LONRF2: variants seen among roughly 807,000 people sequenced by gnomAD.
LONRF2 encodes LON peptidase N-terminal domain and RING finger protein 2.
Under a neutral mutation model 66.6 loss-of-function variants are expected in LONRF2, and 35 were observed. That is an observed-to-expected ratio of 0.53 (90% CI 0.40 to 0.70). The LOEUF (loss-of-function observed/expected upper bound fraction) is 0.70. Ranked by LOEUF, LONRF2 falls within the 30% of genes least tolerant of loss-of-function variation. The pLI is 0.00. For synonymous variants in LONRF2, 417 were observed against 418.1 expected (o/e 1.00, Z 0.03); for missense variants, 902 against 1,002.1 (o/e 0.90, Z 1.35).
chr2:100,307,391 C>G (rs1050224115), intron 2 of LONRF2, among the ~76,000 whole-genome samples: 2 of 152,190 alleles, frequency 1.3e-5, no homozygotes, highest in Non-Finnish European at 2.9e-5. Flanking sequence ...TAATTAGCCA[C>G]GTACCTCTGT....
intron 3 of LONRF2, 48 bp from the exon 4 acceptor site, chr2:100,300,835 T>G: frequency 7.0e-7 from 1 of 1,424,728 alleles, no homozygotes; most frequent in Non-Finnish European, 9.3e-7. Context: ...AAAACACTTT[T>G]GTAAAAATAT....
intron 4 of LONRF2, 109 bp from the exon 5 acceptor site, chr2:100,300,027 G>GGA: frequency 4.2e-6 from 2 of 473,238 alleles, no homozygotes; most frequent in Non-Finnish European, 7.5e-6. Flanking sequence ...AAAGGGGGGG[G>GGA]CATACACTCT....
Position 100,321,983 on chromosome 2 carries a change from G to T in LONRF2, c.111C>A (p.Gly37=). 6.8e-7 allele frequency: 1 copy of T among 1,464,450 alleles called. No homozygotes were observed. The highest frequency in any genetic ancestry group is 1.3e-5 in the South Asian group (1 of 76,430). 90.7% of individuals were successfully genotyped at this position (1,464,450 alleles called of 1,614,324 possible). A position where few individuals can be genotyped will look rare whatever the true frequency, so the allele number is the denominator to read the frequency against. Residue 37 remains glycine (G), a synonymous_variant, in exon 1 of 12, where the codon GGC becomes GGA. Coordinates refer to ENST00000393437, the MANE Select transcript of LONRF2 (RefSeq NM_198461.4). The part of the protein sequence containing the change: ...LEEGDEAFRA[G]DYEMAAELFR... ...AGAGCTCGGCTGCCATCTCGTAGTC[G>T]CCCGCGCGGAAGGCCTCGTCGCCCT... is the stretch of plus-strand genomic sequence containing the variant.
intron 1 of LONRF2, 147 bp downstream of exon 1, chr2:100,321,268 C>G (rs1343562939): frequency 2.8e-6 from 2 of 707,676 alleles, no homozygotes; most frequent in Non-Finnish European, 4.2e-6. Flanking sequence ...CCACCTTTCA[C>G]CTTCCCATCC....
chr2:100,284,512 A>G lies in LONRF2; in HGVS notation c.2071-20T>C. ...ATTACTCTGCAAAAGAGATGAGGGG[A>G]AAGCAAGGTTAACACTGGAAATGCA... On this transcript the variant is annotated intron_variant, in intron 11 of 11. Transcript: ENST00000393437. The G allele has an allele frequency of 6.6e-7, 1 of 1,524,996 alleles. No individual in the cohort carries two copies. Among genetic ancestry groups the G allele is most frequent in the Non-Finnish European group, 8.8e-7 (1 of 1,134,774 alleles). The allele number at this position is 1,524,996 out of a possible 1,614,324, so 94.5% of individuals were successfully genotyped here.
chr2:100,309,004 T>A, intron 2 of LONRF2, 103 bp downstream of exon 2: 1 of 720,954 alleles, frequency 1.4e-6, no homozygotes. Context: ...GAGGGAAACA[T>A]ACTTTGTCTA....
intron 2 of LONRF2, among the ~76,000 whole-genome samples, chr2:100,307,852 T>C (rs1204794396): frequency 6.6e-6 from 1 of 152,240 alleles, no homozygotes; most frequent in African/African-American, 2.4e-5. Flanking sequence ...TGATAAATTA[T>C]ATAAATTTTT....
intron 10 of LONRF2, 84 bp from the exon 11 acceptor site, chr2:100,287,147 G>A: frequency 7.9e-7 from 1 of 1,261,524 alleles, no homozygotes; most frequent in Non-Finnish European, 1.1e-6. Context: ...CCTCCACTAA[G>A]TGGATTTGTG....
chr2:100,322,002 T>C lies in LONRF2; in HGVS notation c.92A>G (p.Asp31Gly). ...GTAGTCGCCCGCGCGGAAGGCCTCG[T>C]CGCCCTCCTCTAAGCGCTGGGCGAT... ...EPIAQRLEEG[D>G]EAFRAGDYEM... The change falls in exon 1 of 12, where the codon GAC becomes GGC. Residue 31 changes from aspartate (D) to glycine (G), a missense_variant. By Grantham distance (94) the Asp-to-Gly change is moderately conservative. Coordinates refer to ENST00000393437, the MANE Select transcript of LONRF2 (RefSeq NM_198461.4). The C allele has an allele frequency of 2.8e-6, 4 of 1,454,304 alleles. No homozygotes were observed. Among genetic ancestry groups the C allele is most frequent in the Admixed American group, 2.3e-5 (1 of 43,298 alleles). The allele number at this position is 1,454,304 out of a possible 1,614,324, so 90.1% of individuals were successfully genotyped here. A position where few individuals can be genotyped will look rare whatever the true frequency, so the allele number is the denominator to read the frequency against.
At chr2:100,312,362 T>G (rs1374170768) in intron 1 of LONRF2, among the ~76,000 whole-genome samples, 1 of 152,174 alleles carries the variant, frequency 6.6e-6, no homozygotes, top group Non-Finnish European at 1.5e-5. Context: ...ATTTATCAAA[T>G]ATTTGTCCCT....
Position 100,321,992 on chromosome 2 carries a change from G to C in LONRF2, c.102C>G (p.Phe34Leu), listed in dbSNP as rs2104226788. The C allele has an allele frequency of 1.2e-5, 18 of 1,462,108 alleles. No individual in the cohort carries two copies. The highest frequency in any genetic ancestry group is 1.6e-5 in the Non-Finnish European group (18 of 1,108,548). The allele number at this position is 1,462,108 out of a possible 1,614,324, so 90.6% of individuals were successfully genotyped here. A position where few individuals can be genotyped will look rare whatever the true frequency, so the allele number is the denominator to read the frequency against. The stretch of plus-strand genomic sequence containing the variant: ...CTGCCATCTCGTAGTCGCCCGCGCG[G>C]AAGGCCTCGTCGCCCTCCTCTAAGC... Reference protein sequence around the residue: ...AQRLEEGDEAFRAGDYEMAAE... With the variant: ...AQRLEEGDEALRAGDYEMAAE... Residue 34 changes from phenylalanine to leucine, a missense_variant, in exon 1 of 12, where the codon TTC becomes TTG. Phe to Leu is a conservative substitution (Grantham distance 22, BLOSUM62 0). Transcript: ENST00000393437.
chr2:100,296,212 G>A (rs1675064054), intron 7 of LONRF2, among the ~76,000 whole-genome samples: 2 of 152,124 alleles, frequency 1.3e-5, no homozygotes, highest in Non-Finnish European at 2.9e-5. Context: ...GTGCGCGTGT[G>A]TATGTGTGCA....
chr2:100,298,343 G>A (rs1675113280), intron 7 of LONRF2, among the ~76,000 whole-genome samples: 1 of 151,990 alleles, frequency 6.6e-6, no homozygotes, highest in Non-Finnish European at 1.5e-5. Context: ...TTATATTGGG[G>A]CTAAATATCA....
rs1573119577 is a variant in LONRF2, at chr2:100,303,036, T to C, written c.806A>G (p.Gln269Arg). 1.6e-5 allele frequency: 26 copies of C among 1,604,686 alleles called. No homozygotes were observed. The highest frequency in any genetic ancestry group is 2.2e-5 in the Non-Finnish European group (26 of 1,175,552). ...TCCAGAAAGAGCCTGAGCTTTTACTTGATGTCCCTAGATTCACCGAAGACA... is the reference window on the plus strand; with the variant it reads ...TCCAGAAAGAGCCTGAGCTTTTACTCGATGTCCCTAGATTCACCGAAGACA... ...QNEPLLIKGH[Q>R]VKAQALSGLG... The change falls in exon 3 of 12, where the codon CAA (glutamine) becomes CGA (arginine). Residue 269 changes from glutamine (Q) to arginine (R), a missense_variant. Transcript: ENST00000393437.
rs1559185334 is a variant in LONRF2 at position 100,322,085 on chromosome 2, G to A, written c.9C>T (p.Pro3=). 7.8e-7 allele frequency: 1 copy of A among 1,278,024 alleles called. No individual in the cohort carries two copies. Among genetic ancestry groups the A allele is most frequent in the Non-Finnish European group, 9.9e-7 (1 of 1,014,234 alleles). 79.2% of individuals were successfully genotyped at this position (1,278,024 alleles called of 1,614,324 possible). A position where few individuals can be genotyped will look rare whatever the true frequency, so the allele number is the denominator to read the frequency against. ...GCGGCGGCGGCGGCGGGACCGGCTC[G>A]GGGCTCATCACCGCGGGGCTGCGAC... The part of the protein sequence containing the change: MS[P]EPVPPPPPPQ... Residue 3 remains proline (P), a synonymous_variant, in exon 1 of 12, where the codon CCC becomes CCT. Transcript: ENST00000393437.
chr2:100,296,913 C>A (rs2105722484), intron 7 of LONRF2, among the ~76,000 whole-genome samples: 1 of 152,258 alleles, frequency 6.6e-6, no homozygotes, highest in East Asian at 1.9e-4. Flanking sequence ...TGATGTGACT[C>A]CCGCATTGAA....
At position 100,294,391 on chromosome 2, in the gene LONRF2, C is replaced by T; in HGVS notation, c.1599-4G>A. 1 of 1,568,460 alleles carries T rather than the reference C, an allele frequency of 6.4e-7. No individual in the cohort carries two copies. Among genetic ancestry groups the T allele is most frequent in the South Asian group, 1.2e-5 (1 of 83,696 alleles). On this transcript the variant is annotated splice_polypyrimidine_tract_variant and splice_region_variant and intron_variant, in intron 8 of 11. Transcript: ENST00000393437. ...GATGGGGACGTCTCTGGTCAGACTG[C>T]AGAGCAAGGGGACATGTTATCTCAG... is the stretch of plus-strand genomic sequence containing the variant.
Position 100,291,854 on chromosome 2 carries a change from C to T in LONRF2, c.1758-1434G>A, listed in dbSNP as rs72954186. Among the ~76,000 whole-genome samples, 1,031 of 152,292 alleles carry T rather than the reference C, an allele frequency of 6.8e-3. 15 individuals are homozygous for T. Among genetic ancestry groups the T allele is most frequent in the African/African-American group, 0.023 (945 of 41,568 alleles). On this transcript the variant is annotated intron_variant, in intron 9 of 11. Transcript: ENST00000393437. ...TCTGACTGTAACTATCACCCGTAAC[C>T]TAGTGATGTTCTCACGCTACCACGT... is the stretch of plus-strand genomic sequence containing the variant.
At position 100,321,559 on chromosome 2, in the gene LONRF2, C is replaced by T. The variant is rs1372142365; in HGVS notation, c.535G>A (p.Val179Met). The change falls in exon 1 of 12, where the codon GTG becomes ATG. Residue 179 changes from valine to methionine, a missense_variant. By Grantham distance (21) the Val-to-Met change is conservative. Coordinates refer to ENST00000393437, the MANE Select transcript of LONRF2 (RefSeq NM_198461.4). The stretch of plus-strand genomic sequence containing the variant: ...AGCAGGCCGCTCAGCACCACGTTCA[C>T]GCGCCGCACCTGCGGCCGCGCGGGC... ...PGPARPQVRR[V>M]NVVLSGLLEK... The T allele has an allele frequency of 1.9e-6, 3 of 1,540,440 alleles. No homozygotes were observed. The highest frequency in any genetic ancestry group is 2.6e-6 in the Non-Finnish European group (3 of 1,155,740).
Sources: gnomAD v4.1 joint callset for allele counts (sites outside exome capture counted in the v4.1 genomes callset) on GRCh38, gnomAD v4.1.1 for gene constraint, MANE v1.5 for transcripts, NCBI Gene and HGNC (gene_info 2026-07-23, HGNC 2026-07-21) for gene names.